Variants in CTNNA2 observed in about 807,000 individuals in gnomAD.
CTNNA2 encodes catenin alpha 2.
A neutral mutation model predicts 101.0 loss-of-function variants in CTNNA2; 42 were observed. That is an observed-to-expected ratio of 0.42 (90% CI 0.32 to 0.54). The LOEUF is 0.54. CTNNA2 is among the 20% of genes least tolerant of loss of function. CTNNA2 has a pLI of 0.14. For missense variants in CTNNA2, 871 were observed against 1,223.1 expected (o/e 0.71, Z 4.29); for synonymous variants, 450 against 456.4 (o/e 0.99, Z 0.18).
At chr2:79,893,887 T>C (rs574443875) in intron 6 of CTNNA2, among the ~76,000 whole-genome samples, 1 of 152,334 alleles carries the variant, frequency 6.6e-6, no homozygotes, top group South Asian at 2.1e-4. Context: ...GCTCTAGACA[T>C]CTGTTTAGCT....
At chr2:80,582,576 A>G (rs1695630855) in intron 14 of CTNNA2, among the ~76,000 whole-genome samples, 1 of 152,168 alleles carries the variant, frequency 6.6e-6, no homozygotes, top group South Asian at 2.1e-4. Flanking sequence ...TATCACCCAG[A>G]GAGTAGGTGT....
At chr2:80,006,221 C>T (rs1162090146) in intron 7 of CTNNA2, among the ~76,000 whole-genome samples, 4 of 152,102 alleles carry the variant, frequency 2.6e-5, no homozygotes, top group South Asian at 2.1e-4. Flanking sequence ...TTCACCTGTA[C>T]ACACTTTTAG....
intron 3 of CTNNA2, among the ~76,000 whole-genome samples, chr2:79,758,729 G>C (rs1017791738): frequency 6.6e-6 from 1 of 152,110 alleles, no homozygotes; most frequent in Non-Finnish European, 1.5e-5. Context: ...AATTCACTTA[G>C]GATAATGGTC....
chr2:80,061,638 G>A (rs1204262560), intron 7 of CTNNA2, among the ~76,000 whole-genome samples: 2 of 152,054 alleles, frequency 1.3e-5, no homozygotes, highest in African/African-American at 4.8e-5. Context: ...AGTCCATAAA[G>A]TTGAATACTT....
chr2:79,907,147 A>T (rs1379523521), intron 6 of CTNNA2, among the ~76,000 whole-genome samples: 2 of 152,146 alleles, frequency 1.3e-5, no homozygotes, highest in African/African-American at 4.8e-5. Flanking sequence ...GATTCTGAAG[A>T]GTCTCCTGAA....
intron 7 of CTNNA2, among the ~76,000 whole-genome samples, chr2:80,099,768 A>AC (rs1700424559): frequency 6.6e-6 from 1 of 151,804 alleles, no homozygotes; most frequent in Non-Finnish European, 1.5e-5. Flanking sequence ...AAAAAAAAAA[A>AC]AACATTTATC....
chr2:79,576,889 T>C (rs1230757019), intron 1 of CTNNA2, among the ~76,000 whole-genome samples: 1 of 152,190 alleles, frequency 6.6e-6, no homozygotes, highest in African/African-American at 2.4e-5. Context: ...AAAGGCCTAC[T>C]AAAAACTATT....
chr2:79,521,624 G>A (rs901265352), intron 1 of CTNNA2, among the ~76,000 whole-genome samples: 1 of 152,112 alleles, frequency 6.6e-6, no homozygotes, highest in African/African-American at 2.4e-5. Context: ...GATGAACAGA[G>A]TAGCAATTCT....
chr2:80,334,379 C>G (rs879486017), intron 7 of CTNNA2, among the ~76,000 whole-genome samples: 1 of 152,188 alleles, frequency 6.6e-6, no homozygotes, highest in Non-Finnish European at 1.5e-5. Context: ...ACCTCAGAGC[C>G]TCATTTGCAT....
chr2:80,596,255 G>GT (rs113819418), intron 15 of CTNNA2, among the ~76,000 whole-genome samples: 1,207 of 99,072 alleles, frequency 0.012, 29 homozygotes, highest in African/African-American at 0.04. Flanking sequence ...GACTTAAGGA[G>GT]TTTTTTTGGG....
intron 4 of CTNNA2, among the ~76,000 whole-genome samples, chr2:79,480,818 A>G (rs1671101608): frequency 1.3e-5 from 2 of 151,970 alleles, no homozygotes; most frequent in East Asian, 1.9e-4. Context: ...ATGAATAACA[A>G]TTTTCTTAAC....
chr2:80,619,324 A>G, intron 18 of CTNNA2, 96 bp downstream of exon 18: 1 of 1,311,796 alleles, frequency 7.6e-7, no homozygotes, highest in Non-Finnish European at 9.9e-7. Flanking sequence ...AAATGTGCCC[A>G]CTGAAGGCCT....
chr2:80,319,869 G>A (rs1181633433), intron 7 of CTNNA2, among the ~76,000 whole-genome samples: 1 of 152,192 alleles, frequency 6.6e-6, no homozygotes, highest in Non-Finnish European at 1.5e-5. Context: ...TTCACAGACT[G>A]AGCCTTTCTG....
At chr2:79,587,209 G>A (rs956723998) in intron 1 of CTNNA2, among the ~76,000 whole-genome samples, 3 of 151,982 alleles carry the variant, frequency 2.0e-5, no homozygotes, top group African/African-American at 4.8e-5. Flanking sequence ...TGGATGGAAC[G>A]GTAGTTCTAC....
chr2:79,446,100 G>C lies in CTNNA2; in HGVS notation c.-134-58954G>C, dbSNP rs572490883. 2.9e-3 allele frequency among the ~76,000 whole-genome samples: 443 copies of C among 152,086 alleles called. 1 individual carries two copies. The highest frequency in any genetic ancestry group is 5.3e-3 in the Non-Finnish European group (358 of 67,964). On this transcript the variant is annotated intron_variant, in intron 4 of 21. Coordinates refer to the CTNNA2 transcript ENST00000466387. ...GTCAACTACTGACAGGGTGTAATTGGATAAAAGAAAGACTTATATTTGTAT... is the reference window on the plus strand; with the variant it reads ...GTCAACTACTGACAGGGTGTAATTGCATAAAAGAAAGACTTATATTTGTAT...
At chr2:80,271,928 A>G (rs1673523601) in intron 7 of CTNNA2, among the ~76,000 whole-genome samples, 2 of 152,226 alleles carry the variant, frequency 1.3e-5, no homozygotes, top group Admixed American at 1.3e-4. Context: ...AGACTGATCC[A>G]TAAGAGAGTC....
chr2:79,970,697 G>A (rs1256796096), intron 7 of CTNNA2, among the ~76,000 whole-genome samples: 1 of 152,080 alleles, frequency 6.6e-6, no homozygotes, highest in African/African-American at 2.4e-5. Flanking sequence ...AATAATAGGT[G>A]GCAGGCCATA....
chr2:80,557,325 T>A (rs1272073252), intron 12 of CTNNA2, among the ~76,000 whole-genome samples: 2 of 152,224 alleles, frequency 1.3e-5, no homozygotes, highest in Non-Finnish European at 2.9e-5. Context: ...ATTTCTTTCC[T>A]CACTTGGAAG....
intron 7 of CTNNA2, among the ~76,000 whole-genome samples, chr2:80,349,386 G>C (rs1673075094): frequency 6.6e-6 from 1 of 152,064 alleles, no homozygotes; most frequent in Non-Finnish European, 1.5e-5. Flanking sequence ...TTGTGTATTG[G>C]GGATGGGTAT....
Sources: gnomAD v4.1 joint callset for allele counts (sites outside exome capture counted in the v4.1 genomes callset) on GRCh38, gnomAD v4.1.1 for gene constraint, MANE v1.5 for transcripts, NCBI Gene and HGNC (gene_info 2026-07-23, HGNC 2026-07-21) for gene names.